The following LRRC9 variants were observed in gnomAD, a reference collection of about 807,000 sequenced individuals.
LRRC9 encodes leucine-rich repeat-containing protein 9.
In LRRC9, 122 loss-of-function variants were observed where a neutral mutation model predicts 63.2. That is an observed-to-expected ratio of 1.93 (90% CI 1.67 to 2.24). LRRC9 has a LOEUF of 2.24. Among genes scored for constraint, LRRC9 ranks in the 30% most tolerant of loss-of-function variants. LRRC9 has a pLI of 0.00. For synonymous variants in LRRC9, 366 were observed against 213.1 expected (o/e 1.72, Z -6.25); for missense variants, 1,071 against 627.7 (o/e 1.71, Z -7.55).
chr14:60,064,264 C>T (rs929469965), downstream of LRRC9, among the ~76,000 whole-genome samples: 1 of 152,182 alleles, frequency 6.6e-6, no homozygotes, highest in Admixed American at 6.5e-5. Flanking sequence ...GTTACAGTTA[C>T]TAAAATTGAT....
intron 8 of LRRC9, among the ~76,000 whole-genome samples, chr14:59,957,975 T>C (rs1458021162): frequency 6.6e-6 from 1 of 152,176 alleles, no homozygotes; most frequent in Non-Finnish European, 1.5e-5. Flanking sequence ...ATAGCAAAGA[T>C]TGCTGCCTGC....
intron 23 of LRRC9, among the ~76,000 whole-genome samples, chr14:60,012,499 T>A (rs1890333357): frequency 6.6e-6 from 1 of 152,180 alleles, no homozygotes; most frequent in Admixed American, 6.5e-5. Flanking sequence ...AATTTAGATA[T>A]GAAGTTTTAA....
Position 60,053,971 on chromosome 14 carries a change from A to T in LRRC9, c.4131+766A>T, listed in dbSNP as rs1232833795. ...AGGCTTTTAGAATAATCCAAGAGAG[A>T]TGTTATGAAGACCTGGACCACGGTA... On this transcript the variant is annotated intron_variant, in intron 30 of 31. Coordinates refer to ENST00000445360, the Ensembl canonical transcript of LRRC9. The surrounding 1 kb of genome is among the most constrained non-coding windows in gnomAD (Gnocchi z 4.8). 2.2e-6 allele frequency: 1 copy of T among 446,148 alleles called. No individual in the cohort carries two copies. Among genetic ancestry groups the T allele is most frequent in the African/African-American group, 2.0e-5 (1 of 49,224 alleles). 27.6% of individuals were successfully genotyped at this position (446,148 alleles called of 1,614,324 possible).
At chr14:59,940,588 A>G (rs1270319866) in intron 7 of LRRC9, among the ~76,000 whole-genome samples, 1 of 152,130 alleles carries the variant, frequency 6.6e-6, no homozygotes, top group Non-Finnish European at 1.5e-5. Context: ...TGAATGTGCC[A>G]CTACTGAAGA....
intron 12 of LRRC9, among the ~76,000 whole-genome samples, chr14:59,967,818 C>T (rs1032340901): frequency 1.3e-5 from 2 of 152,132 alleles, no homozygotes; most frequent in Admixed American, 1.3e-4. Flanking sequence ...ATTTGGATCC[C>T]GATTTCACTC....
intron 8 of LRRC9, among the ~76,000 whole-genome samples, chr14:59,951,005 T>G (rs2139904561): frequency 2.4e-5 from 1 of 41,682 alleles, no homozygotes; most frequent in East Asian, 1.3e-3. Flanking sequence ...GGAGTATCTT[T>G]GTGGCGTTCT....
intron 29 of LRRC9, 102 bp from the exon 30 acceptor site, chr14:60,052,963 T>C (rs1276876742): frequency 1.8e-6 from 1 of 555,046 alleles, no homozygotes; most frequent in Admixed American, 3.0e-5. Flanking sequence ...TTAGCTATTA[T>C]TTGTCCTCTT....
intron 20 of LRRC9, among the ~76,000 whole-genome samples, chr14:60,002,589 C>G (rs1348011834): frequency 6.6e-6 from 1 of 152,006 alleles, no homozygotes; most frequent in African/African-American, 2.4e-5. Flanking sequence ...TACACTTCAA[C>G]AGAGTTGGAA....
intron 29 of LRRC9, among the ~76,000 whole-genome samples, chr14:60,032,704 A>G (rs888951085): frequency 6.6e-6 from 1 of 152,210 alleles, no homozygotes; most frequent in South Asian, 2.1e-4. Context: ...GGAGCATGTT[A>G]TCAGATCTCA....
At chr14:60,026,022 C>T (rs1891523148) in intron 27 of LRRC9, among the ~76,000 whole-genome samples, 1 of 152,000 alleles carries the variant, frequency 6.6e-6, no homozygotes, top group African/African-American at 2.4e-5. Flanking sequence ...AAATGTTGCT[C>T]ATTTGGGAGT....
intron 25 of LRRC9, 137 bp from the exon 26 acceptor site, chr14:60,018,984 T>C (rs1890912663): frequency 2.2e-6 from 1 of 444,508 alleles, no homozygotes; most frequent in Non-Finnish European, 3.9e-6. Flanking sequence ...GAAAACTAAA[T>C]CTAGATTATT....
chr14:60,024,566 A>AT (rs1206473066), intron 27 of LRRC9, among the ~76,000 whole-genome samples: 1 of 152,068 alleles, frequency 6.6e-6, no homozygotes, highest in African/African-American at 2.4e-5. Context: ...TCTAGACCAT[A>AT]TTTTTAAAAA....
rs138402015 is a variant in LRRC9 at position 60,049,321 on chromosome 14, G to A, written c.3991-3744G>A. 2.0e-4 allele frequency among the ~76,000 whole-genome samples: 30 copies of A among 152,278 alleles called. No homozygotes were observed. The East Asian group carries it at 5.4e-3, about 27-fold the overall frequency. Reference sequence around the variant, plus strand: ...CATGATGCTGGCTGGTTATTTTGCAGACTTGTTTATGTAGTTACTTCATAG... The same window carrying A: ...CATGATGCTGGCTGGTTATTTTGCAAACTTGTTTATGTAGTTACTTCATAG... On this transcript the variant is annotated intron_variant, in intron 29 of 31. Coordinates refer to ENST00000445360, the Ensembl canonical transcript of LRRC9.
At chr14:60,065,037 G>A (rs1215523154), downstream of LRRC9, among the ~76,000 whole-genome samples, 5 of 152,048 alleles carry the variant, frequency 3.3e-5, no homozygotes, top group Admixed American at 3.3e-4. Context: ...TGATTTTTAT[G>A]TACACATTGT....
chr14:59,954,663 C>A lies in LRRC9; in HGVS notation c.883-5155C>A, dbSNP rs561017669. The stretch of plus-strand genomic sequence containing the variant: ...GAATACACTTTATTTTTTTCTCTTG[C>A]CTGATTTCCCTGAATAGAACTTCCA... On this transcript the variant is annotated intron_variant, in intron 8 of 31. Transcript: ENST00000445360. Among the ~76,000 whole-genome samples the A allele has an allele frequency of 1.4e-4, 21 of 152,186 alleles. No homozygotes were observed. The South Asian group carries it at 1.5e-3, about 11-fold the overall frequency.
chr14:59,991,508 C>T (rs1888096835), intron 17 of LRRC9, among the ~76,000 whole-genome samples: 1 of 152,112 alleles, frequency 6.6e-6, no homozygotes, highest in Non-Finnish European at 1.5e-5. Flanking sequence ...TGAGCCGAAG[C>T]ATGGTGAGGC....
intron 28 of LRRC9, among the ~76,000 whole-genome samples, chr14:60,030,830 T>A (rs987774223): frequency 2.6e-5 from 4 of 150,954 alleles, no homozygotes; most frequent in Non-Finnish European, 5.9e-5. Flanking sequence ...CACACTACTG[T>A]AAAAAAAAAT....
intron 8 of LRRC9, among the ~76,000 whole-genome samples, chr14:59,956,569 A>G (rs1223761925): frequency 6.6e-6 from 1 of 152,102 alleles, no homozygotes; most frequent in East Asian, 1.9e-4. Context: ...ACAGAACAGC[A>G]ATGGGTCTTT....
chr14:60,025,231 T>C (rs2140304089), intron 27 of LRRC9, among the ~76,000 whole-genome samples: 2 of 151,908 alleles, frequency 1.3e-5, no homozygotes, highest in East Asian at 3.9e-4. Context: ...GCTGGGACTA[T>C]AGGCTTGTGC....
Sources: allele counts gnomAD v4.1 joint callset (sites outside exome capture counted in the v4.1 genomes callset), GRCh38; gene constraint gnomAD v4.1.1; non-coding constraint Gnocchi (gnomAD v3.1); transcripts MANE v1.5; gene names NCBI Gene and HGNC (gene_info 2026-07-23, HGNC 2026-07-21).